KIAA0408: variants seen among roughly 807,000 people sequenced by gnomAD.
KIAA0408 encodes the protein uncharacterized protein KIAA0408.
KIAA0408 carries 51 observed loss-of-function variants against 60.9 expected under a neutral mutation model. That is an observed-to-expected ratio of 0.84 (90% CI 0.67 to 1.06). KIAA0408 has a LOEUF of 1.06. Ranked by LOEUF, KIAA0408 falls within the 50% of genes least tolerant of loss-of-function variation. The pLI, the probability that KIAA0408 is intolerant of heterozygous loss-of-function variation, is 0.00. For missense variants in KIAA0408, 787 were observed against 833.9 expected (o/e 0.94, Z 0.69); for synonymous variants, 304 against 282.4 (o/e 1.08, Z -0.77).
intron 2 of KIAA0408, chr6:127,451,281 C>T (rs543905448): frequency 2.2e-5 from 10 of 455,558 alleles, no homozygotes; most frequent in South Asian, 1.6e-4. Flanking sequence ...TTAATACATA[C>T]CGATAACTCA....
At chr6:127,445,761 CA>C (rs1773180780) in intron 5 of KIAA0408, among the ~76,000 whole-genome samples, 3 of 151,842 alleles carry the variant, frequency 2.0e-5, no homozygotes, top group Non-Finnish European at 4.4e-5. Flanking sequence ...TAGACAGGAA[CA>C]AAAAAAGATA....
chr6:127,455,807 T>C (rs1395017070), intron 1 of KIAA0408, among the ~76,000 whole-genome samples: 1 of 152,158 alleles, frequency 6.6e-6, no homozygotes, highest in African/African-American at 2.4e-5. Flanking sequence ...ACCTCCTCTG[T>C]CACCCCTTTC....
In KIAA0408 at chr6:127,443,461, AC is replaced by A. The variant is rs1444247708; in HGVS notation, c.*647del. 2.0e-5 allele frequency: 3 copies of A among 152,182 alleles called. No individual in the cohort carries two copies. Among genetic ancestry groups the A allele is most frequent in the Non-Finnish European group, 4.4e-5 (3 of 68,016 alleles). The allele number at this position is 152,182 out of a possible 1,614,324, so 9.4% of individuals were successfully genotyped here. Reference sequence around the variant, plus strand: ...TGACATTTTTATTTAAAAAGAATAAACAAGAATATCAATGGTATTATTTTAT... The same window carrying A: ...TGACATTTTTATTTAAAAAGAATAAAAAGAATATCAATGGTATTATTTTAT... On this transcript the variant is annotated 3_prime_UTR_variant, in exon 6 of 6. Transcript: ENST00000483725.
At position 127,447,264 on chromosome 6, in the gene KIAA0408, C is replaced by G; in HGVS notation, c.1055G>C (p.Ser352Thr). The change falls in exon 5 of 6, where the codon AGT (serine) becomes ACT (threonine). Residue 352 changes from serine (S) to threonine (T), a missense_variant. Around this residue, in one of 3 missense-constraint regions of KIAA0408, gnomAD observed 640 missense variants for 681.3 expected, o/e 0.94. Transcript: ENST00000483725. ...CATGCTAAGTCCAACATCTTCATTA[C>G]TTGGAGGCTTGCTATCTATTTTGAC... ...PEVKIDSKPP[S>T]NEDVGLSMWS... 1 of 1,614,042 alleles carries G rather than the reference C, an allele frequency of 6.2e-7. No homozygotes were observed. The highest frequency in any genetic ancestry group is 8.5e-7 in the Non-Finnish European group (1 of 1,179,980).
chr6:127,458,702 G>A (rs1389520859), intron 1 of KIAA0408, among the ~76,000 whole-genome samples: 1 of 152,196 alleles, frequency 6.6e-6, no homozygotes, highest in Non-Finnish European at 1.5e-5. Flanking sequence ...TAACTCTACA[G>A]TGAGTCCACC....
At chr6:127,453,271 C>T (rs558062852) in intron 2 of KIAA0408, among the ~76,000 whole-genome samples, 8 of 152,090 alleles carry the variant, frequency 5.3e-5, no homozygotes, top group South Asian at 2.1e-4. Flanking sequence ...GTGTCAGAGT[C>T]GTGATATGTC....
At position 127,444,048 on chromosome 6, in the gene KIAA0408, GA is replaced by G; in HGVS notation, c.*60del. On this transcript the variant is annotated 3_prime_UTR_variant, in exon 6 of 6. Coordinates refer to ENST00000483725, the MANE Select transcript of KIAA0408 (RefSeq NM_014702.5). ...GAACAGGTCCGCCTGTAAACACTCAGAATGCTCTGTTTGACAAGTGGGACTA... is the reference window on the plus strand; with the variant it reads ...GAACAGGTCCGCCTGTAAACACTCAGATGCTCTGTTTGACAAGTGGGACTA... 6.6e-7 allele frequency: 1 copy of G among 1,525,610 alleles called. No homozygotes were observed. The allele number at this position is 1,525,610 out of a possible 1,614,324, so 94.5% of individuals were successfully genotyped here.
Position 127,453,960 on chromosome 6 carries a change from C to T in KIAA0408, c.22G>A (p.Glu8Lys). The change falls in exon 2 of 6, where the codon GAG becomes AAG. Residue 8 changes from glutamate (E) to lysine (K), a missense_variant. Physicochemically the swap from Glu to Lys is moderately conservative, Grantham distance 56. Coordinates refer to ENST00000483725, the MANE Select transcript of KIAA0408 (RefSeq NM_014702.5). ...TTATGCCAGTTAGTCTCTGTGTTCT[C>T]CCACTGCTTATGTAGGTCCATGGCA... MDLHKQW[E>K]NTETNWHKEK... The T allele has an allele frequency of 6.2e-7, 1 of 1,612,680 alleles. No homozygotes were observed. Among genetic ancestry groups the T allele is most frequent in the Non-Finnish European group, 8.5e-7 (1 of 1,179,048 alleles).
chr6:127,453,352 C>T (rs1367418833), intron 2 of KIAA0408, among the ~76,000 whole-genome samples: 3 of 152,072 alleles, frequency 2.0e-5, no homozygotes, highest in Non-Finnish European at 1.5e-5. Context: ...AATCTCATGT[C>T]TACTGCCATT....
intron 2 of KIAA0408, chr6:127,451,012 C>A (rs1026554640): frequency 5.9e-6 from 1 of 169,968 alleles, no homozygotes; most frequent in Non-Finnish European, 1.3e-5. Context: ...AGGCTTTGAT[C>A]ATCTATTAGT....
intron 1 of KIAA0408, among the ~76,000 whole-genome samples, chr6:127,457,209 C>A (rs1283290468): frequency 6.6e-6 from 1 of 151,880 alleles, no homozygotes; most frequent in Non-Finnish European, 1.5e-5. Context: ...TGTTATAAAT[C>A]TGACTTAAAT....
intron 5 of KIAA0408, among the ~76,000 whole-genome samples, chr6:127,444,640 GTTAT>G (rs1773158856): frequency 6.6e-6 from 1 of 152,060 alleles, no homozygotes; most frequent in South Asian, 2.1e-4. Context: ...ATGTTACAGT[GTTAT>G]TTAAAAATAA....
chr6:127,450,773 T>C, intron 2 of KIAA0408: 1 of 164,996 alleles, frequency 6.1e-6, no homozygotes, highest in East Asian at 1.7e-4. Flanking sequence ...ACACTAACAT[T>C]TAACTGTCTA....
At chr6:127,446,331 G>A (rs1773192636) in intron 5 of KIAA0408, 77 bp downstream of exon 5, 10 of 1,529,590 alleles carry the variant, frequency 6.5e-6, no homozygotes, top group Non-Finnish European at 8.8e-6. Flanking sequence ...CTATTTATAT[G>A]AATTGGACAT....
Position 127,450,048 on chromosome 6 carries a change from C to G in KIAA0408, c.440G>C (p.Trp147Ser), listed in dbSNP as rs752501601. ...ATDNQKECEA[W>S]PDLRTSEEDS... ...TTCCTCAGAAGTCCTCAGGTCAGGC[C>G]AGGCCTCACATTCCTTTTGGTTGTC... Residue 147 changes from tryptophan to serine, a missense_variant, in exon 3 of 6, where the codon TGG (tryptophan) becomes TCG (serine). This residue lies in a region of KIAA0408 where 640 missense variants were observed against 681.3 expected (regional missense o/e 0.94). Transcript: ENST00000483725. 2 of 1,614,112 alleles carry G rather than the reference C, an allele frequency of 1.2e-6. No homozygotes were observed. The highest frequency in any genetic ancestry group is 1.1e-5 in the South Asian group (1 of 91,090).
intron 5 of KIAA0408, among the ~76,000 whole-genome samples, chr6:127,444,626 T>C (rs1299629667): frequency 6.6e-6 from 1 of 152,178 alleles, no homozygotes; most frequent in Non-Finnish European, 1.5e-5. Flanking sequence ...AGTGCGCTGT[T>C]AGTATGTTAC....
chr6:127,446,362 T>C, intron 5 of KIAA0408, 46 bp downstream of exon 5: 2 of 1,562,556 alleles, frequency 1.3e-6, no homozygotes, highest in Non-Finnish European at 1.7e-6. Flanking sequence ...TTCAGAGCCA[T>C]TGCTAATATG....
rs1397935774 is a variant in KIAA0408 at position 127,447,519 on chromosome 6, A to G, written c.800T>C (p.Val267Ala). ...TCGAGAGGTGCTTCTTGGAGGAGGA[A>G]CTGGTGGAGTTTCATTTCTTTTTAA... ...IDLKRNETPP[V>A]PPPRSTSRNF... Residue 267 changes from valine (V) to alanine (A), a missense_variant, in exon 5 of 6, where the codon GTT becomes GCT. Coordinates refer to ENST00000483725, the MANE Select transcript of KIAA0408 (RefSeq NM_014702.5). The G allele has an allele frequency of 6.2e-7, 1 of 1,610,710 alleles. No homozygotes were observed. The highest frequency in any genetic ancestry group is 1.1e-5 in the South Asian group (1 of 90,154).
At chr6:127,457,262 A>G (rs1288864051) in intron 1 of KIAA0408, among the ~76,000 whole-genome samples, 2 of 152,180 alleles carry the variant, frequency 1.3e-5, no homozygotes, top group Non-Finnish European at 2.9e-5. Flanking sequence ...TTGTAGAGAT[A>G]GAATGTTTCG....
Sources: gnomAD v4.1 joint callset for allele counts (sites outside exome capture counted in the v4.1 genomes callset) on GRCh38, gnomAD v4.1.1 for gene constraint, gnomAD v4.1.1 regional missense constraint, MANE v1.5 for transcripts, NCBI Gene and HGNC (gene_info 2026-07-23, HGNC 2026-07-21) for gene names.